Variants in HTR6 observed in about 807,000 individuals in gnomAD.
HTR6 encodes the protein 5-hydroxytryptamine (serotonin) receptor 6, G protein-coupled.
HTR6 carries 15 observed loss-of-function variants against 17.4 expected under a neutral mutation model. That is an observed-to-expected ratio of 0.86 (90% CI 0.58 to 1.33). The LOEUF is 1.33. Among genes scored for constraint, HTR6 ranks in the 40% most tolerant of loss-of-function variants. The pLI is 0.00. For missense variants in HTR6, 578 were observed against 616.0 expected (o/e 0.94, Z 0.65); for synonymous variants, 326 against 295.5 (o/e 1.10, Z -1.06).
intron 1 of HTR6, among the ~76,000 whole-genome samples, chr1:19,676,771 C>A (rs926666168): frequency 6.6e-5 from 10 of 152,190 alleles, no homozygotes; most frequent in African/African-American, 2.4e-4. Flanking sequence ...TCTGCTCCTG[C>A]CTCCTTCTGA....
chr1:19,673,237 C>T (rs2095090436), intron 1 of HTR6, among the ~76,000 whole-genome samples: 1 of 152,150 alleles, frequency 6.6e-6, no homozygotes, highest in Non-Finnish European at 1.5e-5. Flanking sequence ...TTATTATAAT[C>T]CTATGAGGTA....
chr1:19,669,253 G>A (rs1389459782), intron 1 of HTR6, among the ~76,000 whole-genome samples: 1 of 152,166 alleles, frequency 6.6e-6, no homozygotes, highest in East Asian at 1.9e-4. Flanking sequence ...GCTGGTACTA[G>A]GATTGAACCT....
At chr1:19,667,131 C>A (rs749553831) in intron 1 of HTR6, among the ~76,000 whole-genome samples, 7 of 152,174 alleles carry the variant, frequency 4.6e-5, no homozygotes, top group African/African-American at 1.4e-4. Context: ...TCTGCAACAG[C>A]CTTGTGGCCT....
chr1:19,678,733 C>A lies in HTR6; in HGVS notation c.873+8C>A, dbSNP rs1196730583. 6.2e-7 allele frequency: 1 copy of A among 1,604,374 alleles called. No homozygotes were observed. ...GTGGCCAACATAGTCCAGGTAATGC[C>A]ACGGCAGGGGGCAGGTGAGTCCGGC... On this transcript the variant is annotated splice_region_variant and intron_variant, in intron 2 of 2. Transcript: ENST00000289753.
Position 19,665,715 on chromosome 1 carries a change from G to T in HTR6, c.-39G>T. 1 of 1,339,582 alleles carries T rather than the reference G, an allele frequency of 7.5e-7. No individual in the cohort carries two copies. The highest frequency in any genetic ancestry group is 1.0e-6 in the Non-Finnish European group (1 of 1,001,856). The allele number at this position is 1,339,582 out of a possible 1,614,324, so 83.0% of individuals were successfully genotyped here. ...CGCCGGGGCCCTCATCTGCTTTCCC[G>T]CCACCCTATCACTCCCTTGCCGTCC... On this transcript the variant is annotated 5_prime_UTR_variant, in exon 1 of 3. Transcript: ENST00000289753. The surrounding 1 kb of genome is among the most constrained non-coding windows in gnomAD (Gnocchi z 4.2).
intron 1 of HTR6, among the ~76,000 whole-genome samples, 156 bp from the exon 2 acceptor site, chr1:19,678,411 A>G (rs1360745061): frequency 1.3e-5 from 2 of 152,162 alleles, no homozygotes; most frequent in African/African-American, 4.8e-5. Context: ...GGCTCAGTCT[A>G]GGACTCTAGT....
chr1:19,671,164 C>T (rs1200580919), intron 1 of HTR6, among the ~76,000 whole-genome samples: 2 of 152,132 alleles, frequency 1.3e-5, no homozygotes, highest in African/African-American at 4.8e-5. Flanking sequence ...ACCCAGCAAA[C>T]ATTCAAAATC....
At chr1:19,672,264 G>A (rs1475605091) in intron 1 of HTR6, among the ~76,000 whole-genome samples, 1 of 151,794 alleles carries the variant, frequency 6.6e-6, no homozygotes, top group African/African-American at 2.4e-5. Flanking sequence ...CCTTCTGTGT[G>A]CCCCGTCTTC....
intron 1 of HTR6, among the ~76,000 whole-genome samples, chr1:19,673,733 C>T (rs2100473280): frequency 6.6e-6 from 1 of 152,210 alleles, no homozygotes; most frequent in South Asian, 2.1e-4. Context: ...AAATTAATTG[C>T]ACAAAGGAAT....
Position 19,678,227 on chromosome 1 carries a change from G to A in HTR6, c.715-340G>A, listed in dbSNP as rs981510757. The stretch of plus-strand genomic sequence containing the variant: ...AGCTCCTTATGAAATTCTGGGTCAG[G>A]GTCAGGGCTCAGTGTGGGACCAGGA... On this transcript the variant is annotated intron_variant, in intron 1 of 2. Transcript: ENST00000289753. Among the ~76,000 whole-genome samples the A allele has an allele frequency of 5.3e-5, 8 of 152,288 alleles. 2 individuals carry two copies. The highest frequency in any genetic ancestry group is 6.5e-5 in the Admixed American group (1 of 15,286).
chr1:19,674,249 T>A (rs192714508), intron 1 of HTR6, among the ~76,000 whole-genome samples: 38 of 152,326 alleles, frequency 2.5e-4, no homozygotes, highest in African/African-American at 7.5e-4. Flanking sequence ...TATTGTTTTT[T>A]AAACAAATAG....
chr1:19,670,007 A>C (rs1437316375), intron 1 of HTR6, among the ~76,000 whole-genome samples: 1 of 152,096 alleles, frequency 6.6e-6, no homozygotes, highest in Non-Finnish European at 1.5e-5. Flanking sequence ...TTTACAATGC[A>C]GTTCCTGCTG....
In HTR6 at chr1:19,679,987, C is replaced by T. The variant is rs947895433; in HGVS notation, c.*619C>T. 6.6e-6 allele frequency among the ~76,000 whole-genome samples: 1 copy of T among 152,168 alleles called. No individual in the cohort carries two copies. On this transcript the variant is annotated 3_prime_UTR_variant, in exon 3 of 3. Transcript: ENST00000289753. This position sits in a 1 kb window ranked among gnomAD's most constrained non-coding sequence, Gnocchi z 4.9. ...ATGGTTTTTGGACCTGTCAGTCTCC[C>T]CTCCCTGGTATATATGTGGCAGCAG...
In HTR6 at chr1:19,679,121, G is replaced by T. The variant is rs1557431041; in HGVS notation, c.1076G>T (p.Gly359Val). The T allele has an allele frequency of 6.2e-7, 1 of 1,611,800 alleles. No individual in the cohort carries two copies. The highest frequency in any genetic ancestry group is 8.5e-7 in the Non-Finnish European group (1 of 1,179,244). Residue 359 changes from glycine to valine, a missense_variant, in exon 3 of 3, where the codon GGC (glycine) becomes GTC (valine). Transcript: ENST00000289753. This position sits in a 1 kb window ranked among gnomAD's most constrained non-coding sequence, Gnocchi z 4.9. ...ASPSLRTSHS[G>V]PRPGLSLQQV... The stretch of plus-strand genomic sequence containing the variant: ...CCATCACTGCGCACCTCTCACAGCG[G>T]CCCCCGGCCCGGCCTTAGCCTACAG...
In HTR6 at chr1:19,680,102, C is replaced by T. The variant is rs114742184; in HGVS notation, c.*734C>T. ...CCTGACACGAGTTATTTAACCTCTCCGAGCCTCGGTTATCCCATGTGTAAG... is the reference window on the plus strand; with the variant it reads ...CCTGACACGAGTTATTTAACCTCTCTGAGCCTCGGTTATCCCATGTGTAAG... On this transcript the variant is annotated 3_prime_UTR_variant, in exon 3 of 3. Coordinates refer to ENST00000289753, the MANE Select transcript of HTR6 (RefSeq NM_000871.3). 8.2e-3 allele frequency among the ~76,000 whole-genome samples: 1,249 copies of T among 152,314 alleles called. 21 individuals are homozygous for T. The highest frequency in any genetic ancestry group is 0.028 in the African/African-American group (1,181 of 41,554).
At chr1:19,672,539 G>A (rs1039585869) in intron 1 of HTR6, among the ~76,000 whole-genome samples, 1 of 152,136 alleles carries the variant, frequency 6.6e-6, no homozygotes, top group African/African-American at 2.4e-5. Context: ...AGGCAGCCTG[G>A]TGCAGCCAGG....
chr1:19,680,444 TG>T lies in HTR6; in HGVS notation c.*1081del. Among the ~76,000 whole-genome samples, 1 of 152,306 alleles carries T rather than the reference TG, an allele frequency of 6.6e-6. No homozygotes were observed. Among genetic ancestry groups the T allele is most frequent in the South Asian group, 2.1e-4 (1 of 4,826 alleles). On this transcript the variant is annotated 3_prime_UTR_variant, in exon 3 of 3. Coordinates refer to ENST00000289753, the MANE Select transcript of HTR6 (RefSeq NM_000871.3). ...TCCCAAGCTGCTGCCCTGCCTTTCCTGGGGGCAAAAGGGGCAGGTGGCAGTT... is the reference window on the plus strand; with the variant it reads ...TCCCAAGCTGCTGCCCTGCCTTTCCTGGGGCAAAAGGGGCAGGTGGCAGTT...
chr1:19,669,457 G>A (rs1344642719), intron 1 of HTR6, among the ~76,000 whole-genome samples: 1 of 152,212 alleles, frequency 6.6e-6, no homozygotes, highest in Admixed American at 6.5e-5. Context: ...GAGGTGACTT[G>A]CCCAAGATTG....
intron 1 of HTR6, among the ~76,000 whole-genome samples, chr1:19,669,852 T>C (rs1236992394): frequency 2.6e-5 from 4 of 152,164 alleles, no homozygotes; most frequent in Non-Finnish European, 4.4e-5. Flanking sequence ...GCCAGGCTGG[T>C]CTCGAACTCC....
Sources: allele counts gnomAD v4.1 joint callset (sites outside exome capture counted in the v4.1 genomes callset), GRCh38; gene constraint gnomAD v4.1.1; non-coding constraint Gnocchi (gnomAD v3.1); transcripts MANE v1.5; gene names NCBI Gene and HGNC (gene_info 2026-07-23, HGNC 2026-07-21).